DCAF5: variants seen among roughly 807,000 people sequenced by gnomAD.
DCAF5 encodes the protein DDB1 and CUL4 associated factor 5, also known as DDB1- and CUL4-associated factor 5.
A neutral mutation model predicts 80.7 loss-of-function variants in DCAF5; 9 were observed. That is an observed-to-expected ratio of 0.11 (90% CI 0.07 to 0.19). The LOEUF (loss-of-function observed/expected upper bound fraction) is 0.19. Ranked by LOEUF, DCAF5 falls within the 10% of genes least tolerant of loss-of-function variation. The pLI is 1.00. For missense variants in DCAF5, 842 were observed against 1,205.7 expected (o/e 0.70, Z 4.47); for synonymous variants, 433 against 461.9 (o/e 0.94, Z 0.80).
intron 5 of DCAF5, among the ~76,000 whole-genome samples, chr14:69,098,199 T>C (rs2039805294): frequency 6.6e-6 from 1 of 152,184 alleles, no homozygotes; most frequent in African/African-American, 2.4e-5. Context: ...TCCTAGAACA[T>C]GCCAGGCATG....
chr14:69,126,612 T>C (rs2040882896), intron 1 of DCAF5, among the ~76,000 whole-genome samples: 2 of 152,198 alleles, frequency 1.3e-5, no homozygotes, highest in African/African-American at 4.8e-5. Context: ...GTCAACATGA[T>C]TTTGAAGAAC....
In DCAF5 at chr14:69,088,336, GAAAGA is replaced by G. The variant is rs147689319; in HGVS notation, c.879+3333_879+3337del. Among the ~76,000 whole-genome samples, 1,095 of 152,278 alleles carry G rather than the reference GAAAGA, an allele frequency of 7.2e-3. 10 individuals carry two copies. The highest frequency in any genetic ancestry group is 0.025 in the African/African-American group (1,051 of 41,552). On this transcript the variant is annotated intron_variant, in intron 6 of 8. Transcript: ENST00000341516. ...TCTGAGACTCAGTTTACTCATCTGT[GAAAGA>G]AAAGGTTTGTATAAAATGATCTCTA... is the stretch of plus-strand genomic sequence containing the variant.
intron 1 of DCAF5, among the ~76,000 whole-genome samples, chr14:69,150,686 G>T (rs1298089498): frequency 6.7e-6 from 1 of 149,058 alleles, no homozygotes; most frequent in Non-Finnish European, 1.5e-5. Flanking sequence ...AAGAGTTCAA[G>T]ACTAGCCTGG....
chr14:69,126,270 G>C (rs1286605691), intron 1 of DCAF5, among the ~76,000 whole-genome samples: 1 of 149,658 alleles, frequency 6.7e-6, no homozygotes, highest in Non-Finnish European at 1.5e-5. Flanking sequence ...CAATTCTCCT[G>C]CCTCAGCCTC....
chr14:69,056,742 C>T (rs575176907), intron 8 of DCAF5, among the ~76,000 whole-genome samples: 3 of 152,320 alleles, frequency 2.0e-5, no homozygotes, highest in East Asian at 1.9e-4. Flanking sequence ...ACAAATGCAC[C>T]TCCCTGTGGG....
intron 5 of DCAF5, among the ~76,000 whole-genome samples, chr14:69,093,878 G>C (rs2039611205): frequency 6.6e-6 from 1 of 152,210 alleles, no homozygotes; most frequent in Non-Finnish European, 1.5e-5. Context: ...GCCCCAAGTA[G>C]TAATCCCTGC....
chr14:69,130,612 A>G (rs970995071), intron 1 of DCAF5, among the ~76,000 whole-genome samples: 1 of 152,250 alleles, frequency 6.6e-6, no homozygotes, highest in Non-Finnish European at 1.5e-5. Flanking sequence ...AAAATATAAG[A>G]AAGTTTACTA....
intron 8 of DCAF5, 131 bp downstream of exon 8, chr14:69,062,253 T>C (rs962008140): frequency 7.1e-6 from 7 of 984,788 alleles, no homozygotes; most frequent in South Asian, 2.0e-5. Context: ...TTTTGTAATA[T>C]GTTAAAATCT....
intron 5 of DCAF5, among the ~76,000 whole-genome samples, chr14:69,103,527 T>C (rs900524143): frequency 4.6e-5 from 7 of 152,254 alleles, no homozygotes; most frequent in Admixed American, 6.5e-5. Flanking sequence ...GTTACCACCA[T>C]CTTGCATAGC....
At chr14:69,092,094 A>AGT (rs2039552293) in intron 5 of DCAF5, among the ~76,000 whole-genome samples, 1 of 152,224 alleles carries the variant, frequency 6.6e-6, no homozygotes, top group Admixed American at 6.5e-5. Context: ...TCTCTTGCTC[A>AGT]GTCTCCAAAA....
intron 1 of DCAF5, among the ~76,000 whole-genome samples, chr14:69,126,881 C>T (rs1160454160): frequency 6.6e-6 from 1 of 152,158 alleles, no homozygotes; most frequent in Non-Finnish European, 1.5e-5. Context: ...TAGATACAGA[C>T]TTTATACCCT....
chr14:69,092,145 A>G (rs1280496040), intron 5 of DCAF5, among the ~76,000 whole-genome samples: 2 of 152,180 alleles, frequency 1.3e-5, no homozygotes, highest in Non-Finnish European at 2.9e-5. Flanking sequence ...GATAACAAAA[A>G]CATCTTGAAA....
intron 6 of DCAF5, chr14:69,083,803 G>A: frequency 4.2e-6 from 3 of 710,060 alleles, no homozygotes; most frequent in Admixed American, 2.2e-5. Context: ...AGAAGAAAGT[G>A]CCAAGTCTCC....
chr14:69,059,043 G>T (rs946594801), intron 8 of DCAF5, among the ~76,000 whole-genome samples: 1 of 152,120 alleles, frequency 6.6e-6, no homozygotes, highest in Non-Finnish European at 1.5e-5. Context: ...TCATAAAAAT[G>T]GAAAGCAATT....
At chr14:69,137,597 T>C (rs762983636) in intron 1 of DCAF5, among the ~76,000 whole-genome samples, 7 of 152,180 alleles carry the variant, frequency 4.6e-5, no homozygotes, top group Non-Finnish European at 7.4e-5. Flanking sequence ...CTTCTAGGAA[T>C]GCACACTACA....
At chr14:69,116,860 G>C (rs187419760) in intron 4 of DCAF5, among the ~76,000 whole-genome samples, 2 of 152,124 alleles carry the variant, frequency 1.3e-5, no homozygotes, top group Admixed American at 1.3e-4. Flanking sequence ...GTATGGTAGG[G>C]TTATTATGCT....
intron 6 of DCAF5, among the ~76,000 whole-genome samples, chr14:69,088,693 G>C (rs2039428491): frequency 6.6e-6 from 1 of 152,260 alleles, no homozygotes; most frequent in South Asian, 2.1e-4. Context: ...GTCTGGGATG[G>C]TTACCCAGCC....
chr14:69,148,989 C>T (rs1232802417), intron 1 of DCAF5, among the ~76,000 whole-genome samples: 1 of 152,168 alleles, frequency 6.6e-6, no homozygotes, highest in East Asian at 1.9e-4. Flanking sequence ...GGCTAATCTG[C>T]ACTGGTCTAT....
intron 1 of DCAF5, among the ~76,000 whole-genome samples, chr14:69,147,191 CTT>C (rs1216626798): frequency 6.6e-6 from 1 of 152,194 alleles, no homozygotes; most frequent in Non-Finnish European, 1.5e-5. Flanking sequence ...TAAAAATACT[CTT>C]TGATGACAGT....
Sources: allele counts gnomAD v4.1 joint callset (sites outside exome capture counted in the v4.1 genomes callset), GRCh38; gene constraint gnomAD v4.1.1; transcripts MANE v1.5; gene names NCBI Gene and HGNC (gene_info 2026-07-23, HGNC 2026-07-21).